Variants in DEFB110 observed in about 807,000 individuals in gnomAD.
The protein encoded by DEFB110 is defensin beta 110.
Under a neutral mutation model 2.5 loss-of-function variants are expected in DEFB110, and 4 were observed. The observed-to-expected ratio is 1.60, with a 90% confidence interval of 0.79 to 3.66. The LOEUF (loss-of-function observed/expected upper bound fraction) is 3.66, where lower values mean the gene tolerates loss of function less well. DEFB110 is among the 30% of genes most tolerant of loss of function. DEFB110 has a pLI of 0.01. For synonymous variants in DEFB110, 29 were observed against 21.8 expected, an observed-to-expected ratio of 1.33 and a Z score of -0.92; for missense variants, 94 against 75.4, an observed-to-expected ratio of 1.25 and a Z score of -0.91.
At chr6:50,018,810 G>A (rs948042252), downstream of DEFB110, 4 of 1,296,660 alleles carry the variant, frequency 3.1e-6, no homozygotes, top group South Asian at 2.6e-5. Flanking sequence ...TAATGGAAAG[G>A]CACCAGACAT....
Position 50,021,866 on chromosome 6 carries a change from A to G in DEFB110, c.55+15T>C, listed in dbSNP as rs778144819. The G allele has an allele frequency of 9.6e-6, 15 of 1,556,688 alleles. No homozygotes were observed. Among genetic ancestry groups the G allele is most frequent in the Non-Finnish European group, 1.1e-5 (13 of 1,160,404 alleles). The stretch of plus-strand genomic sequence containing the variant: ...AATTTGTTAGTATAAATCCCCACAA[A>G]TATTTGCATATTACCTGGTAAAATT... On this transcript the variant is annotated intron_variant, in intron 1 of 1. Transcript: ENST00000371148.
At chr6:50,017,200 C>T (rs1774333889), downstream of DEFB110, among the ~76,000 whole-genome samples, 1 of 151,588 alleles carries the variant, frequency 6.6e-6, no homozygotes, top group Non-Finnish European at 1.5e-5. Context: ...AAAGTTAGGC[C>T]AATTTTTCTT....
chr6:50,018,462 A>G (rs983441198), downstream of DEFB110, among the ~76,000 whole-genome samples: 1 of 151,858 alleles, frequency 6.6e-6, no homozygotes, highest in African/African-American at 2.4e-5. Context: ...CCATTCTTAT[A>G]CTCATGATCC....
At chr6:50,013,619 T>G (rs1266239450) in intron 1 of DEFB110, among the ~76,000 whole-genome samples, 1 of 151,726 alleles carries the variant, frequency 6.6e-6, no homozygotes, top group Non-Finnish European at 1.5e-5. Flanking sequence ...TAAAACAGTC[T>G]AAATAAGAAA....
At chr6:50,012,947 C>T in intron 1 of DEFB110, among the ~76,000 whole-genome samples, 1 of 151,722 alleles carries the variant, frequency 6.6e-6, no homozygotes, top group East Asian at 1.9e-4. Flanking sequence ...AATGTCCTTG[C>T]ATCACAAAAT....
At chr6:50,014,799 A>G (rs1223348259), downstream of DEFB110, among the ~76,000 whole-genome samples, 3 of 151,692 alleles carry the variant, frequency 2.0e-5, no homozygotes, top group African/African-American at 4.8e-5. Context: ...TAACCTGCCA[A>G]TCAGCAACTG....
At chr6:50,009,973 T>C (rs1261885573) in intron 1 of DEFB110, among the ~76,000 whole-genome samples, 1 of 152,038 alleles carries the variant, frequency 6.6e-6, no homozygotes, top group Non-Finnish European at 1.5e-5. Flanking sequence ...GGGAGGTAAA[T>C]TATTTTGTTA....
downstream of DEFB110, among the ~76,000 whole-genome samples, chr6:50,017,555 C>A (rs1774338178): frequency 6.6e-6 from 1 of 151,654 alleles, no homozygotes; most frequent in African/African-American, 2.4e-5. Context: ...GAATAGCTCC[C>A]ACAACAAAGA....
At chr6:50,012,810 G>A (rs920760664) in intron 1 of DEFB110, among the ~76,000 whole-genome samples, 3 of 151,608 alleles carry the variant, frequency 2.0e-5, no homozygotes, top group Admixed American at 6.6e-5. Context: ...GTGATAGGTG[G>A]GGACAAAGAT....
intron 1 of DEFB110, among the ~76,000 whole-genome samples, chr6:50,009,827 G>T (rs191792195): frequency 1.3e-5 from 2 of 152,154 alleles, no homozygotes; most frequent in Non-Finnish European, 2.9e-5. Context: ...GTCATACACT[G>T]CCTATCTAGC....
At chr6:50,013,878 C>T (rs1298382419), downstream of DEFB110, among the ~76,000 whole-genome samples, 1 of 151,798 alleles carries the variant, frequency 6.6e-6, no homozygotes, top group Non-Finnish European at 1.5e-5. Flanking sequence ...AGACATGGAA[C>T]AGATTTTAGC....
intron 1 of DEFB110, among the ~76,000 whole-genome samples, chr6:50,012,826 A>C (rs939385044): frequency 5.3e-5 from 8 of 151,856 alleles, no homozygotes; most frequent in African/African-American, 1.9e-4. Flanking sequence ...AAGATAAATA[A>C]AATATTTAAG....
chr6:50,021,584 T>A (rs922963409), intron 1 of DEFB110, among the ~76,000 whole-genome samples: 5 of 152,216 alleles, frequency 3.3e-5, no homozygotes. Context: ...GAAGCCAGCT[T>A]CCACTTATGT....
chr6:50,010,532 T>TAC (rs1774209996), intron 1 of DEFB110, among the ~76,000 whole-genome samples: 1 of 150,782 alleles, frequency 6.6e-6, no homozygotes, highest in Non-Finnish European at 1.5e-5. Context: ...TTAATATATA[T>TAC]ATATATATAG....
chr6:50,012,155 T>A (rs1242345039), intron 1 of DEFB110, among the ~76,000 whole-genome samples: 2 of 152,064 alleles, frequency 1.3e-5, no homozygotes, highest in Non-Finnish European at 2.9e-5. Flanking sequence ...CAAAACCTTA[T>A]AAAGCCTTAC....
At chr6:50,015,892 C>A (rs563237277), downstream of DEFB110, among the ~76,000 whole-genome samples, 5 of 151,816 alleles carry the variant, frequency 3.3e-5, no homozygotes, top group East Asian at 9.7e-4. Context: ...TGACATTGAT[C>A]TTTTTGGAAG....
chr6:50,018,063 C>A (rs1031843773), downstream of DEFB110, among the ~76,000 whole-genome samples: 1 of 151,754 alleles, frequency 6.6e-6, no homozygotes. Flanking sequence ...TATTCCTAAA[C>A]TCATAAAATA....
At chr6:50,009,680 G>T (rs1298069505) in intron 1 of DEFB110, among the ~76,000 whole-genome samples, 1 of 151,940 alleles carries the variant, frequency 6.6e-6, no homozygotes, top group African/African-American at 2.4e-5. Flanking sequence ...TTTCCTATTT[G>T]AACATAGTGG....
rs1398641623 is a variant in DEFB110, at chr6:50,013,210, GT to G, written c.56-3940del. On this transcript the variant is annotated intron_variant, in intron 1 of 1. Coordinates refer to the DEFB110 transcript ENST00000393660. The stretch of plus-strand genomic sequence containing the variant: ...GAGAGCAAGTAGCAAACAAAGCTAG[GT>G]TTGTTGGACTCAAAAGCAATATATA... 3.3e-5 allele frequency among the ~76,000 whole-genome samples: 5 copies of G among 151,938 alleles called. No individual in the cohort carries two copies. In the East Asian group the frequency reaches 7.7e-4, roughly 23 times the overall value.
Sources: gnomAD v4.1 joint callset for allele counts (sites outside exome capture counted in the v4.1 genomes callset) on GRCh38, gnomAD v4.1.1 for gene constraint, MANE v1.5 for transcripts, NCBI Gene and HGNC (gene_info 2026-07-23, HGNC 2026-07-21) for gene names.